ASPH: variants seen among roughly 807,000 people sequenced by gnomAD.
ASPH encodes the protein aspartyl/asparaginyl beta-hydroxylase.
ASPH carries 100 observed loss-of-function variants against 118.4 expected under a neutral mutation model. That is an observed-to-expected ratio of 0.84 (90% confidence interval 0.72 to 1.00). The LOEUF (loss-of-function observed/expected upper bound fraction) is 1.00. Ranked by LOEUF, ASPH falls within the 50% of genes least tolerant of loss-of-function variation. The probability of loss-of-function intolerance (pLI) is 0.00; values close to 1 mark genes in which losing one functional copy is unlikely to be tolerated. For synonymous variants in ASPH, 315 were observed against 325.6 expected, an observed-to-expected ratio of 0.97 and a Z score of 0.35; for missense variants, 920 against 919.5, an observed-to-expected ratio of 1.00 and a Z score of -0.01.
At chr8:61,504,701 T>C (rs915958614) in intron 24 of ASPH, among the ~76,000 whole-genome samples, 1 of 152,134 alleles carries the variant, frequency 6.6e-6, no homozygotes, top group Non-Finnish European at 1.5e-5. Context: ...ACCATGAGGT[T>C]GGTGCAAAAG....
At chr8:61,595,446 T>C (rs923568194) in intron 14 of ASPH, among the ~76,000 whole-genome samples, 1 of 152,200 alleles carries the variant, frequency 6.6e-6, no homozygotes, top group African/African-American at 2.4e-5. Flanking sequence ...ATTTGATATA[T>C]TGAAAAACAA....
intron 7 of ASPH, among the ~76,000 whole-genome samples, chr8:61,644,269 G>T (rs1469605893): frequency 6.6e-6 from 1 of 152,220 alleles, no homozygotes; most frequent in Non-Finnish European, 1.5e-5. Context: ...ACCTCCTGTG[G>T]CCATGCCCTT....
At chr8:61,589,721 G>A (rs1009610248) in intron 14 of ASPH, among the ~76,000 whole-genome samples, 1 of 152,124 alleles carries the variant, frequency 6.6e-6, no homozygotes, top group Non-Finnish European at 1.5e-5. Context: ...TCACCGGCTT[G>A]TTTATTCACT....
chr8:61,610,863 A>G (rs1340358138), intron 14 of ASPH, among the ~76,000 whole-genome samples: 1 of 152,224 alleles, frequency 6.6e-6, no homozygotes, highest in African/African-American at 2.4e-5. Flanking sequence ...AGACAAAGAC[A>G]GATCTAACTA....
At position 61,503,219 on chromosome 8, in the gene ASPH, TAGG is replaced by T; in HGVS notation, c.*137_*139del. On this transcript the variant is annotated 3_prime_UTR_variant, in exon 25 of 25. Transcript: ENST00000379454. The stretch of plus-strand genomic sequence containing the variant: ...TATTCCCTTTAGTGTCTTCTGACCC[TAGG>T]AGGAGGCTTTGAATTACTCGGGCTG... 9.8e-7 allele frequency: 1 copy of T among 1,020,878 alleles called. No homozygotes were observed. The highest frequency in any genetic ancestry group is 1.4e-6 in the Non-Finnish European group (1 of 739,054). The allele number at this position is 1,020,878 out of a possible 1,614,324, so 63.2% of individuals were successfully genotyped here.
intron 5 of ASPH, among the ~76,000 whole-genome samples, chr8:61,648,742 C>G (rs967566281): frequency 2.0e-5 from 3 of 152,194 alleles, no homozygotes; most frequent in African/African-American, 7.2e-5. Context: ...GCTGTTATAT[C>G]CTCCCTGTGA....
At chr8:61,638,564 G>C (rs956965548) in intron 10 of ASPH, among the ~76,000 whole-genome samples, 1 of 152,170 alleles carries the variant, frequency 6.6e-6, no homozygotes, top group African/African-American at 2.4e-5. Context: ...TTCCAGGGCA[G>C]CCACTTTTTA....
intron 6 of ASPH, 137 bp downstream of exon 6, chr8:61,646,613 A>C (rs1242419446): frequency 9.6e-7 from 1 of 1,041,878 alleles, no homozygotes; most frequent in East Asian, 2.9e-5. Context: ...ATTTGCTTTA[A>C]TTGAAGCTTT....
intron 1 of ASPH, among the ~76,000 whole-genome samples, chr8:61,700,274 A>AC (rs1834923997): frequency 6.6e-6 from 1 of 152,066 alleles, no homozygotes; most frequent in Non-Finnish European, 1.5e-5. Context: ...GAGGGGCCTC[A>AC]CCCCCTTTTC....
chr8:61,694,624 C>T (rs1480081425), intron 1 of ASPH, among the ~76,000 whole-genome samples: 1 of 152,208 alleles, frequency 6.6e-6, no homozygotes, highest in Non-Finnish European at 1.5e-5. Context: ...CTCCTAACAC[C>T]TCTTTAAACT....
At chr8:61,521,745 A>T (rs749710259) in intron 22 of ASPH, among the ~76,000 whole-genome samples, 9 of 152,244 alleles carry the variant, frequency 5.9e-5, no homozygotes, top group African/African-American at 1.9e-4. Flanking sequence ...AGCTCTAGAA[A>T]GAGATCTAAC....
chr8:61,501,507 G>A lies in ASPH; in HGVS notation c.*1852C>T, dbSNP rs186183945. 1.3e-5 allele frequency: 2 copies of A among 152,224 alleles called. No homozygotes were observed. The highest frequency in any genetic ancestry group is 3.9e-4 in the East Asian group (2 of 5,186). The allele number at this position is 152,224 out of a possible 1,614,324, so 9.4% of individuals were successfully genotyped here. Reference sequence around the variant, plus strand: ...GACGACTTATAGTTTGAATTTATGTGTATGCAATATACATATGAGAACCAA... The same window carrying A: ...GACGACTTATAGTTTGAATTTATGTATATGCAATATACATATGAGAACCAA... On this transcript the variant is annotated 3_prime_UTR_variant, in exon 25 of 25. Coordinates refer to ENST00000379454, the MANE Select transcript of ASPH (RefSeq NM_004318.4).
At chr8:61,567,656 T>C (rs1316615629) in intron 16 of ASPH, among the ~76,000 whole-genome samples, 1 of 152,250 alleles carries the variant, frequency 6.6e-6, no homozygotes, top group Non-Finnish European at 1.5e-5. Context: ...CATTAATTTA[T>C]TCGTGTATGC....
At chr8:61,714,088 C>A (rs1044237079) in intron 1 of ASPH, among the ~76,000 whole-genome samples, 181 bp downstream of exon 1, 4 of 152,190 alleles carry the variant, frequency 2.6e-5, no homozygotes, top group African/African-American at 9.6e-5. Context: ...CCTGGCCCCT[C>A]GCCCGCCCGC....
chr8:61,633,629 A>G, intron 13 of ASPH, 54 bp downstream of exon 13: 1 of 1,439,420 alleles, frequency 6.9e-7, no homozygotes, highest in Non-Finnish European at 9.6e-7. Context: ...GGTAATATTA[A>G]CAGGATTTTT....
intron 23 of ASPH, 100 bp downstream of exon 23, chr8:61,517,932 A>G: frequency 2.4e-6 from 3 of 1,274,202 alleles, no homozygotes; most frequent in Non-Finnish European, 3.3e-6. Flanking sequence ...AAAAAGAGGC[A>G]TTCATTGGGC....
chr8:61,576,374 T>C (rs1835143448), intron 16 of ASPH, among the ~76,000 whole-genome samples: 1 of 152,236 alleles, frequency 6.6e-6, no homozygotes, highest in Admixed American at 6.5e-5. Context: ...CATCAAAGTA[T>C]GTTCCACTTT....
intron 1 of ASPH, among the ~76,000 whole-genome samples, chr8:61,706,850 G>T (rs545019038): frequency 6.6e-6 from 1 of 152,192 alleles, no homozygotes. Context: ...CACAAGAGGT[G>T]ATGCTGCAGA....
intron 15 of ASPH, among the ~76,000 whole-genome samples, chr8:61,580,730 T>C (rs1006189341): frequency 7.2e-5 from 11 of 152,254 alleles, no homozygotes; most frequent in Non-Finnish European, 1.3e-4. Context: ...CTTTCTCCTC[T>C]GTATGTGCTA....
Sources: allele counts gnomAD v4.1 joint callset (sites outside exome capture counted in the v4.1 genomes callset), GRCh38; gene constraint gnomAD v4.1.1; transcripts MANE v1.5; gene names NCBI Gene and HGNC (gene_info 2026-07-23, HGNC 2026-07-21).